The following ERLIN1 variants were observed in gnomAD, a reference collection of about 807,000 sequenced individuals.
The protein encoded by ERLIN1 is ER lipid raft associated 1.
In ERLIN1, 24 loss-of-function variants were observed where a neutral mutation model predicts 46.9. The observed-to-expected ratio is 0.51, with a 90% CI of 0.37 to 0.72. The LOEUF (loss-of-function observed/expected upper bound fraction) is 0.72. ERLIN1 is among the 30% of genes least tolerant of loss of function. The pLI, the probability that ERLIN1 is intolerant of heterozygous loss-of-function variation, is 0.00. For missense variants in ERLIN1, 293 were observed against 417.9 expected, an observed-to-expected ratio of 0.70 and a Z score of 2.61; for synonymous variants, 158 against 143.2, an observed-to-expected ratio of 1.10 and a Z score of -0.74.
intron 2 of ERLIN1, 65 bp downstream of exon 2, chr10:100,183,691 C>A: frequency 9.5e-7 from 1 of 1,054,808 alleles, no homozygotes; most frequent in Non-Finnish European, 1.4e-6. Context: ...TCTCCACCCA[C>A]AAGTGTGGTA....
chr10:100,183,303 G>A (rs1439469976), intron 2 of ERLIN1, among the ~76,000 whole-genome samples: 1 of 152,144 alleles, frequency 6.6e-6, no homozygotes, highest in African/African-American at 2.4e-5. Flanking sequence ...ATAAAATTGT[G>A]CTTAATATAC....
At chr10:100,175,720 A>G (rs1257037931) in intron 5 of ERLIN1, among the ~76,000 whole-genome samples, 2 of 152,242 alleles carry the variant, frequency 1.3e-5, no homozygotes, top group African/African-American at 4.8e-5. Flanking sequence ...TCACTAAGTT[A>G]TTACAGTAAA....
At chr10:100,172,576 T>C (rs1370278761) in intron 6 of ERLIN1, among the ~76,000 whole-genome samples, 2 of 152,312 alleles carry the variant, frequency 1.3e-5, no homozygotes, top group East Asian at 3.9e-4. Flanking sequence ...TATCAAAAGA[T>C]GTTCAACCTC....
chr10:100,152,029 G>T lies in ERLIN1; in HGVS notation c.*102C>A. 1.3e-6 allele frequency: 1 copy of T among 779,348 alleles called. No homozygotes were observed. The highest frequency in any genetic ancestry group is 2.6e-5 in the East Asian group (1 of 37,934). The allele number at this position is 779,348 out of a possible 1,614,324, so 48.3% of individuals were successfully genotyped here. On this transcript the variant is annotated 3_prime_UTR_variant, in exon 11 of 11. Transcript: ENST00000421367. ...CTATCGCAGGAGAGGTGGAACAGAT[G>T]AAGTGTAAGTTCTCTGTAAATCTGA...
chr10:100,155,012 A>G (rs912773379), intron 9 of ERLIN1, 73 bp from the exon 10 acceptor site: 2 of 1,209,118 alleles, frequency 1.7e-6, no homozygotes, highest in African/African-American at 3.0e-5. Flanking sequence ...CCACTGCTTA[A>G]TATTGTGACT....
chr10:100,175,891 C>A (rs1410221188), intron 5 of ERLIN1, 54 bp downstream of exon 5: 1 of 1,540,834 alleles, frequency 6.5e-7, no homozygotes, highest in African/African-American at 1.4e-5. Context: ...AATAAGTAAG[C>A]TGAACAAAGA....
At chr10:100,180,029 T>C (rs1844547400) in intron 2 of ERLIN1, among the ~76,000 whole-genome samples, 1 of 152,254 alleles carries the variant, frequency 6.6e-6, no homozygotes, top group African/African-American at 2.4e-5. Flanking sequence ...GCAACCTTTC[T>C]TCTCTAAAGC....
intron 8 of ERLIN1, among the ~76,000 whole-genome samples, chr10:100,163,129 A>G (rs990615442): frequency 2.6e-5 from 4 of 152,224 alleles, no homozygotes; most frequent in Non-Finnish European, 4.4e-5. Flanking sequence ...TACATGTATC[A>G]ATATGAATAA....
At chr10:100,164,250 T>G (rs976456099) in intron 7 of ERLIN1, among the ~76,000 whole-genome samples, 155 bp from the exon 8 acceptor site, 1 of 152,240 alleles carries the variant, frequency 6.6e-6, no homozygotes, top group South Asian at 2.1e-4. Flanking sequence ...TTTATTTTAC[T>G]TATAATAAAT....
intron 8 of ERLIN1, among the ~76,000 whole-genome samples, chr10:100,162,658 TAAC>T (rs1843418136): frequency 6.6e-6 from 1 of 152,162 alleles, no homozygotes. Context: ...TTGTAAACTA[TAAC>T]AAAAACAAAT....
chr10:100,161,158 G>A (rs1264877402), intron 8 of ERLIN1, among the ~76,000 whole-genome samples: 1 of 152,166 alleles, frequency 6.6e-6, no homozygotes, highest in African/African-American at 2.4e-5. Context: ...AAAAGTATGT[G>A]ACTTAGAAGA....
chr10:100,179,521 A>T (rs1427174811), intron 2 of ERLIN1, among the ~76,000 whole-genome samples: 1 of 151,954 alleles, frequency 6.6e-6, no homozygotes, highest in Non-Finnish European at 1.5e-5. Flanking sequence ...CAGTGGTGCA[A>T]TCTTGGCTCA....
In ERLIN1 at chr10:100,163,967, G is replaced by T. The variant is rs780109052; in HGVS notation, c.655+37C>A. The T allele has an allele frequency of 2.1e-5, 29 of 1,349,182 alleles. 1 individual carries two copies. The Admixed American group carries it at 4.6e-4, about 21-fold the overall frequency. 83.6% of individuals were successfully genotyped at this position (1,349,182 alleles called of 1,614,324 possible). On this transcript the variant is annotated intron_variant, in intron 8 of 10. Transcript: ENST00000421367. ...CTGACAAAGAACAGGACAAACAAAT[G>T]TACTTAGAGACAATCATTTCAGAGA...
At position 100,182,030 on chromosome 10, in the gene ERLIN1, A is replaced by G. The variant is rs375451523; in HGVS notation, c.195+1726T>C. 2.6e-5 allele frequency among the ~76,000 whole-genome samples: 4 copies of G among 151,956 alleles called. No individual in the cohort carries two copies. In the East Asian group the frequency reaches 7.7e-4, roughly 29 times the overall value. On this transcript the variant is annotated intron_variant, in intron 2 of 10. Coordinates refer to ENST00000421367, the MANE Select transcript of ERLIN1 (RefSeq NM_006459.4). ...TTATTATTAAATATATACACACACT[A>G]TATTTGTTATATATATACACAATTA... is the stretch of plus-strand genomic sequence containing the variant.
chr10:100,166,741 G>A (rs1045182450), intron 7 of ERLIN1, among the ~76,000 whole-genome samples: 1 of 152,086 alleles, frequency 6.6e-6, no homozygotes, highest in Non-Finnish European at 1.5e-5. Flanking sequence ...AAACAATATT[G>A]CCATTTCAAA....
At position 100,174,295 on chromosome 10, in the gene ERLIN1, CA is replaced by C. The variant is rs1286144772; in HGVS notation, c.431-15del. On this transcript the variant is annotated splice_polypyrimidine_tract_variant and intron_variant, in intron 5 of 10. Coordinates refer to ENST00000421367, the MANE Select transcript of ERLIN1 (RefSeq NM_006459.4). Reference sequence around the variant, plus strand: ...CATCTATTTGATCTGTTTTTTAAGCCAAGAACAACAGATCTCATGATAGTCA... The same window carrying C: ...CATCTATTTGATCTGTTTTTTAAGCCAGAACAACAGATCTCATGATAGTCA... 6.5e-7 allele frequency: 1 copy of C among 1,543,790 alleles called. No individual in the cohort carries two copies. The highest frequency in any genetic ancestry group is 2.4e-5 in the East Asian group (1 of 41,274).
intron 7 of ERLIN1, among the ~76,000 whole-genome samples, chr10:100,165,756 C>T (rs918342845): frequency 1.3e-5 from 2 of 152,214 alleles, no homozygotes; most frequent in African/African-American, 4.8e-5. Context: ...GACAGAGTTT[C>T]GTTCTTTTGC....
At chr10:100,166,284 G>T (rs1388124308) in intron 7 of ERLIN1, among the ~76,000 whole-genome samples, 1 of 152,098 alleles carries the variant, frequency 6.6e-6, no homozygotes, top group African/African-American at 2.4e-5. Context: ...GCTAGGTGTG[G>T]TGGCATGCAC....
In ERLIN1 at chr10:100,157,784, T is replaced by C. The variant is rs1843152379; in HGVS notation, c.656-1550A>G. ...AAGCCTGCAGCTAGAACCCAAAGGA[T>C]GTTACCTCAACATAGGGGGACTGTT... is the stretch of plus-strand genomic sequence containing the variant. On this transcript the variant is annotated intron_variant, in intron 8 of 10. Coordinates refer to ENST00000421367, the MANE Select transcript of ERLIN1 (RefSeq NM_006459.4). 3.9e-5 allele frequency among the ~76,000 whole-genome samples: 6 copies of C among 152,338 alleles called. No individual in the cohort carries two copies. In the South Asian group the frequency reaches 1.2e-3, roughly 32 times the overall value.
Sources: allele counts gnomAD v4.1 joint callset (sites outside exome capture counted in the v4.1 genomes callset), GRCh38; gene constraint gnomAD v4.1.1; transcripts MANE v1.5; gene names NCBI Gene and HGNC (gene_info 2026-07-23, HGNC 2026-07-21).